Variants in SAXO1 observed in about 807,000 individuals in gnomAD.
SAXO1 encodes the protein 4930500O09Rik.
SAXO1 carries 21 observed loss-of-function variants against 17.5 expected under a neutral mutation model. The ratio of observed to expected loss-of-function variants is 1.20; its 90% CI spans 0.85 to 1.72. The LOEUF (loss-of-function observed/expected upper bound fraction) is 1.72. Among genes scored for constraint, SAXO1 ranks in the 40% most tolerant of loss-of-function variants. SAXO1 has a pLI of 0.00. For missense variants in SAXO1, 843 were observed against 596.0 expected (o/e 1.41, Z -4.32); for synonymous variants, 274 against 216.5 (o/e 1.27, Z -2.33).
At chr9:18,961,389 G>A (rs981810353) in intron 1 of SAXO1, among the ~76,000 whole-genome samples, 3 of 152,154 alleles carry the variant, frequency 2.0e-5, no homozygotes, top group African/African-American at 7.2e-5. Context: ...TGCAGAACGT[G>A]CAGGTTTGTT....
intron 1 of SAXO1, among the ~76,000 whole-genome samples, chr9:18,996,293 A>C (rs1443866126): frequency 6.6e-6 from 1 of 152,178 alleles, no homozygotes; most frequent in Non-Finnish European, 1.5e-5. Context: ...TCCACCACTT[A>C]ATGACAGGGA....
chr9:19,012,065 C>T (rs1016568894), intron 1 of SAXO1, among the ~76,000 whole-genome samples: 9 of 151,808 alleles, frequency 5.9e-5, no homozygotes, highest in South Asian at 2.1e-4. Context: ...AGGATGGTCT[C>T]GATCTCTTGA....
intron 1 of SAXO1, chr9:19,027,810 T>G (rs1264901411): frequency 3.3e-6 from 5 of 1,501,948 alleles, no homozygotes; most frequent in Non-Finnish European, 4.6e-6. Flanking sequence ...AACACCCAAG[T>G]TAAGGTAATT....
At chr9:19,034,608 G>T (rs969625924), upstream of SAXO1, among the ~76,000 whole-genome samples, 14 of 152,134 alleles carry the variant, frequency 9.2e-5, no homozygotes, top group African/African-American at 3.4e-4. Context: ...AAGTCAGCAA[G>T]GTAGATTCAG....
At chr9:18,951,084 A>G in intron 1 of SAXO1, 147 bp from the exon 2 acceptor site, 2 of 800,314 alleles carry the variant, frequency 2.5e-6, no homozygotes, top group Non-Finnish European at 3.9e-6. Flanking sequence ...ACTTTTTTCC[A>G]CTAAACTACG....
intron 3 of SAXO1, among the ~76,000 whole-genome samples, chr9:18,933,033 T>C (rs986254620): frequency 6.6e-6 from 1 of 152,226 alleles, no homozygotes; most frequent in Non-Finnish European, 1.5e-5. Context: ...TTTTCTTGCA[T>C]TATTGCACTA....
At chr9:18,930,111 C>T (rs1830975002) in intron 3 of SAXO1, among the ~76,000 whole-genome samples, 2 of 152,152 alleles carry the variant, frequency 1.3e-5, no homozygotes, top group African/African-American at 4.8e-5. Flanking sequence ...CTTCTGATAC[C>T]TCATATCACA....
chr9:19,003,007 C>T (rs1490733691), intron 1 of SAXO1, among the ~76,000 whole-genome samples: 2 of 152,118 alleles, frequency 1.3e-5, no homozygotes, highest in African/African-American at 2.4e-5. Context: ...TCATCTCAGC[C>T]CAAAATCTCC....
rs562758674 is a variant in SAXO1 at position 19,003,949 on chromosome 9, T to A, written c.38+28922A>T. On this transcript the variant is annotated intron_variant, in intron 1 of 3. Coordinates refer to ENST00000380534, the MANE Select transcript of SAXO1 (RefSeq NM_153707.4). ...AAGCAAAAGAAACTACCATCACAGT[T>A]GGCAACCCACAGAATGGGAGAAAAA... 3.0e-3 allele frequency among the ~76,000 whole-genome samples: 461 copies of A among 151,470 alleles called. 8 individuals are homozygous for A. The South Asian group carries it at 0.045, about 15-fold the overall frequency.
Position 18,927,950 on chromosome 9 carries a change from T to A in SAXO1, c.*102A>T. 7.3e-7 allele frequency: 1 copy of A among 1,372,364 alleles called. No individual in the cohort carries two copies. Among genetic ancestry groups the A allele is most frequent in the Non-Finnish European group, 9.8e-7 (1 of 1,021,766 alleles). 85.0% of individuals were successfully genotyped at this position (1,372,364 alleles called of 1,614,324 possible). A position where few individuals can be genotyped will look rare whatever the true frequency, so the allele number is the denominator to read the frequency against. ...GAAGTGGTGAAGGTTTTTTGTTTTTTGTTTTTTGTCATTTTAGGGAATTCT... is the reference window on the plus strand; with the variant it reads ...GAAGTGGTGAAGGTTTTTTGTTTTTAGTTTTTTGTCATTTTAGGGAATTCT... On this transcript the variant is annotated 3_prime_UTR_variant, in exon 4 of 4. Coordinates refer to ENST00000380534, the MANE Select transcript of SAXO1 (RefSeq NM_153707.4).
At chr9:19,021,890 G>C (rs926525434) in intron 1 of SAXO1, among the ~76,000 whole-genome samples, 2 of 152,204 alleles carry the variant, frequency 1.3e-5, no homozygotes, top group Non-Finnish European at 2.9e-5. Context: ...TCTGTAAAAT[G>C]GACCAATCAG....
At chr9:18,930,272 G>T (rs1322070146) in intron 3 of SAXO1, among the ~76,000 whole-genome samples, 2 of 152,206 alleles carry the variant, frequency 1.3e-5, no homozygotes, top group South Asian at 2.1e-4. Flanking sequence ...CCTCTGCTGT[G>T]GGGCTGGAAT....
chr9:19,032,893 T>A lies in SAXO1; in HGVS notation c.16A>T (p.Ile6Phe). Residue 6 changes from isoleucine to phenylalanine, a missense_variant, in exon 1 of 4, where the codon ATC becomes TTC. Ile to Phe is a conservative substitution (Grantham distance 21). Transcript: ENST00000380534. The stretch of plus-strand genomic sequence containing the variant: ...TACCCGCAGGAGCACAGTTCACAGA[T>A]GCACTTCGTCTTCATAGGGGCGATC... The part of the protein sequence containing the change: MKTKC[I>F]CELCSCGRHH... 1 of 1,610,768 alleles carries A rather than the reference T, an allele frequency of 6.2e-7. No individual in the cohort carries two copies. The highest frequency in any genetic ancestry group is 8.5e-7 in the Non-Finnish European group (1 of 1,179,770).
intron 1 of SAXO1, among the ~76,000 whole-genome samples, chr9:18,997,321 C>T (rs1051673079): frequency 2.0e-5 from 3 of 152,252 alleles, no homozygotes; most frequent in Non-Finnish European, 4.4e-5. Context: ...AGGTCACATG[C>T]CCACAGAGCC....
chr9:18,952,226 CT>C (rs113325943), intron 1 of SAXO1, among the ~76,000 whole-genome samples: 1,606 of 152,318 alleles, frequency 0.011, 22 homozygotes, highest in African/African-American at 0.036. Context: ...AAACTCCATG[CT>C]GGTGTTTTCC....
chr9:18,995,505 T>C (rs140684219), intron 1 of SAXO1, among the ~76,000 whole-genome samples: 9 of 152,352 alleles, frequency 5.9e-5, no homozygotes, highest in South Asian at 2.1e-4. Flanking sequence ...TAAAGAAGAA[T>C]GTTCTCCTAG....
intron 1 of SAXO1, among the ~76,000 whole-genome samples, chr9:18,992,954 C>G (rs1833866868): frequency 6.6e-6 from 1 of 151,994 alleles, no homozygotes; most frequent in Admixed American, 6.6e-5. Flanking sequence ...GCATGCACCA[C>G]CACACCCAGG....
At chr9:19,027,156 G>C in intron 1 of SAXO1, 1 of 1,147,220 alleles carries the variant, frequency 8.7e-7, no homozygotes, top group Non-Finnish European at 1.3e-6. Flanking sequence ...CAATGATCAA[G>C]AGGAGGATGG....
intron 3 of SAXO1, among the ~76,000 whole-genome samples, chr9:18,939,902 A>C (rs1380454020): frequency 1.3e-5 from 2 of 152,246 alleles, no homozygotes; most frequent in Admixed American, 1.3e-4. Context: ...TGTATAGAAG[A>C]CTGCTCTGCT....
Sources: allele counts gnomAD v4.1 joint callset (sites outside exome capture counted in the v4.1 genomes callset), GRCh38; gene constraint gnomAD v4.1.1; transcripts MANE v1.5; gene names NCBI Gene and HGNC (gene_info 2026-07-23, HGNC 2026-07-21).